The following MVB12B variants were observed in gnomAD, a reference collection of about 807,000 sequenced individuals.
The protein encoded by MVB12B is multivesicular body subunit 12B, also known as ESCRT-I complex subunit MVB12B.
MVB12B carries 16 observed loss-of-function variants against 41.6 expected under a neutral mutation model. The observed-to-expected ratio is 0.38, with a 90% CI of 0.26 to 0.58. The LOEUF is 0.58. Ranked by LOEUF, MVB12B falls within the 20% of genes least tolerant of loss-of-function variation. The pLI is 0.62. For synonymous variants in MVB12B, 133 were observed against 139.7 expected (o/e 0.95, Z 0.34); for missense variants, 274 against 380.2 (o/e 0.72, Z 2.32).
In MVB12B at chr9:126,391,724, G is replaced by A. The variant is rs750608896; in HGVS notation, c.410-342G>A. 6.6e-5 allele frequency among the ~76,000 whole-genome samples: 10 copies of A among 152,224 alleles called. No individual in the cohort carries two copies. The highest frequency in any genetic ancestry group is 1.9e-4 in the East Asian group (1 of 5,196). On this transcript the variant is annotated intron_variant, in intron 4 of 9. Coordinates refer to ENST00000361171, the MANE Select transcript of MVB12B (RefSeq NM_033446.3). This position sits in a 1 kb window ranked among gnomAD's most constrained non-coding sequence, Gnocchi z 4.4. Reference sequence around the variant, plus strand: ...TCTGTAATAAAAAGAAAAGAAGTCCGTGTGGTGAAATGTGTTAATGCTCAG... The same window carrying A: ...TCTGTAATAAAAAGAAAAGAAGTCCATGTGGTGAAATGTGTTAATGCTCAG...
At chr9:126,393,153 G>T (rs1398456718) in intron 5 of MVB12B, among the ~76,000 whole-genome samples, 1 of 152,162 alleles carries the variant, frequency 6.6e-6, no homozygotes, top group Non-Finnish European at 1.5e-5. Context: ...TTCACTTAGG[G>T]CTCTGTTGAT....
intron 7 of MVB12B, among the ~76,000 whole-genome samples, chr9:126,449,716 C>T (rs532777122): frequency 3.2e-4 from 48 of 152,280 alleles, no homozygotes; most frequent in Admixed American, 5.9e-4. Context: ...GAGAGACTGG[C>T]TTTTTTCCTC....
rs1015596075 is a variant in MVB12B at position 126,391,985 on chromosome 9, G to A, written c.410-81G>A. 68 of 1,522,280 alleles carry A rather than the reference G, an allele frequency of 4.5e-5. No homozygotes were observed. The highest frequency in any genetic ancestry group is 2.0e-4 in the South Asian group (17 of 86,872). 94.3% of individuals were successfully genotyped at this position (1,522,280 alleles called of 1,614,324 possible). On this transcript the variant is annotated intron_variant, in intron 4 of 9. Transcript: ENST00000361171. The surrounding 1 kb of genome is among the most constrained non-coding windows in gnomAD (Gnocchi z 4.4). ...CCACTTCTGCTGCCAGGAATAGGGC[G>A]TGACAGGGGATGTGGTTTTCAGAAT...
At chr9:126,362,622 G>A (rs1011734822) in intron 2 of MVB12B, among the ~76,000 whole-genome samples, 1 of 152,142 alleles carries the variant, frequency 6.6e-6, no homozygotes, top group Admixed American at 6.5e-5. Flanking sequence ...TGGAAATGTT[G>A]TTAGAGAATT....
At chr9:126,400,463 A>T (rs1831236645) in intron 6 of MVB12B, among the ~76,000 whole-genome samples, 1 of 152,166 alleles carries the variant, frequency 6.6e-6, no homozygotes, top group East Asian at 1.9e-4. Context: ...TTCAGACTGC[A>T]GGAGAACTAG....
chr9:126,421,885 C>G lies in MVB12B; in HGVS notation c.694C>G (p.Arg232Gly). Reference protein sequence around the residue: ...HISLTLPATFRGRNSTRTDYE... With the variant: ...HISLTLPATFGGRNSTRTDYE... Reference sequence around the variant, plus strand: ...CTCCCTAACACTTCCTGCCACCTTCCGAGGCAGGAACAGCACCCGGACGGA... The same window carrying G: ...CTCCCTAACACTTCCTGCCACCTTCGGAGGCAGGAACAGCACCCGGACGGA... The change falls in exon 7 of 10, where the codon CGA (arginine) becomes GGA (glycine). Residue 232 changes from arginine (R) to glycine (G), a missense_variant. Arg to Gly is a moderately radical substitution (Grantham distance 125). Transcript: ENST00000361171. 1 of 1,613,944 alleles carries G rather than the reference C, an allele frequency of 6.2e-7. No individual in the cohort carries two copies. The highest frequency in any genetic ancestry group is 8.5e-7 in the Non-Finnish European group (1 of 1,179,864).
chr9:126,464,676 C>T (rs968882980), intron 7 of MVB12B, among the ~76,000 whole-genome samples: 22 of 152,196 alleles, frequency 1.4e-4, no homozygotes, highest in Middle Eastern at 3.2e-3. Flanking sequence ...TTCACACCTT[C>T]TCGATTATAT....
chr9:126,412,586 C>CT (rs1831683404), intron 6 of MVB12B, among the ~76,000 whole-genome samples: 1 of 152,182 alleles, frequency 6.6e-6, no homozygotes, highest in South Asian at 2.1e-4. Flanking sequence ...TTTTTGCCAT[C>CT]TTTTTTTCTG....
At position 126,367,063 on chromosome 9, in the gene MVB12B, A is replaced by T. The variant is rs966005750; in HGVS notation, c.205-14001A>T. ...TGCTAGCCCTACCTGCCAGCACCCC[A>T]TCAGGCATTTCTTCATCTTTTCATC... is the stretch of plus-strand genomic sequence containing the variant. On this transcript the variant is annotated intron_variant, in intron 2 of 9. Coordinates refer to ENST00000361171, the MANE Select transcript of MVB12B (RefSeq NM_033446.3). This position sits in a 1 kb window ranked among gnomAD's most constrained non-coding sequence, Gnocchi z 4.3. 6.6e-6 allele frequency among the ~76,000 whole-genome samples: 1 copy of T among 151,978 alleles called. No homozygotes were observed. The highest frequency in any genetic ancestry group is 2.4e-5 in the African/African-American group (1 of 41,360).
At chr9:126,345,467 C>T (rs559007150) in intron 2 of MVB12B, among the ~76,000 whole-genome samples, 7 of 152,360 alleles carry the variant, frequency 4.6e-5, no homozygotes, top group Non-Finnish European at 1.0e-4. Context: ...GTTAGTGGGC[C>T]TCAGTCCCCT....
chr9:126,366,627 C>T (rs1830189327), intron 2 of MVB12B, among the ~76,000 whole-genome samples: 1 of 152,090 alleles, frequency 6.6e-6, no homozygotes, highest in Non-Finnish European at 1.5e-5. Flanking sequence ...CTTCTATAGT[C>T]CTTCTTTCCT....
chr9:126,368,411 C>T (rs1368888916), intron 2 of MVB12B, among the ~76,000 whole-genome samples: 1 of 152,220 alleles, frequency 6.6e-6, no homozygotes, highest in Admixed American at 6.5e-5. Context: ...GGAGCCTGCC[C>T]TGCTTTGCTT....
chr9:126,327,731 C>T (rs1423571232), intron 1 of MVB12B, among the ~76,000 whole-genome samples: 1 of 152,160 alleles, frequency 6.6e-6, no homozygotes, highest in African/African-American at 2.4e-5. Context: ...CTCTTTGTTA[C>T]CAACACACAA....
intron 6 of MVB12B, among the ~76,000 whole-genome samples, chr9:126,413,818 TTGTGTGTGTGTG>T (rs34089808): frequency 5.5e-5 from 6 of 109,478 alleles, no homozygotes; most frequent in African/African-American, 1.3e-4. Flanking sequence ...ACCCCATTGG[TTGTGTGTGTGTG>T]TGTGTGTGTG....
At chr9:126,415,263 C>T (rs1356189467) in intron 6 of MVB12B, among the ~76,000 whole-genome samples, 2 of 152,096 alleles carry the variant, frequency 1.3e-5, no homozygotes, top group African/African-American at 2.4e-5. Flanking sequence ...GGGAAAGAAG[C>T]CAAAGAGTAT....
At chr9:126,474,431 A>G (rs893909612) in intron 7 of MVB12B, among the ~76,000 whole-genome samples, 2 of 152,216 alleles carry the variant, frequency 1.3e-5, no homozygotes, top group Non-Finnish European at 2.9e-5. Context: ...CATGCCGTTG[A>G]TTTTAAGAAT....
At chr9:126,462,257 C>T (rs1833105837) in intron 7 of MVB12B, among the ~76,000 whole-genome samples, 1 of 152,114 alleles carries the variant, frequency 6.6e-6, no homozygotes, top group South Asian at 2.1e-4. Context: ...GGCACTGGTA[C>T]GAAGAGTTAA....
At chr9:126,497,615 C>A (rs1833865794) in intron 9 of MVB12B, among the ~76,000 whole-genome samples, 1 of 152,212 alleles carries the variant, frequency 6.6e-6, no homozygotes, top group South Asian at 2.1e-4. Flanking sequence ...GAGCATTGAA[C>A]AAGGAATCCA....
rs1302108330 is a variant in MVB12B at position 126,397,363 on chromosome 9, C to T, written c.662+1666C>T. 6 of 985,446 alleles carry T rather than the reference C, an allele frequency of 6.1e-6. No individual in the cohort carries two copies. In the East Asian group the frequency reaches 5.7e-4, roughly 93 times the overall value. 61.0% of individuals were successfully genotyped at this position (985,446 alleles called of 1,614,324 possible). On this transcript the variant is annotated intron_variant, in intron 6 of 9. Coordinates refer to ENST00000361171, the MANE Select transcript of MVB12B (RefSeq NM_033446.3). ...ACCTGAAGCAAGACAGCCGAGAACA[C>T]CGAGCCACCGGCAGCCTGGTGGGTT...
Sources: gnomAD v4.1 joint callset for allele counts (sites outside exome capture counted in the v4.1 genomes callset) on GRCh38, gnomAD v4.1.1 for gene constraint, Gnocchi (gnomAD v3.1) non-coding constraint, MANE v1.5 for transcripts, NCBI Gene and HGNC (gene_info 2026-07-23, HGNC 2026-07-21) for gene names.